Variants in PHLDB1 observed in about 807,000 individuals in gnomAD.
PHLDB1 encodes the protein pleckstrin homology like domain family B member 1.
A neutral mutation model predicts 139.3 loss-of-function variants in PHLDB1; 65 were observed. The ratio of observed to expected loss-of-function variants is 0.47; its 90% CI spans 0.38 to 0.57. The LOEUF (loss-of-function observed/expected upper bound fraction) is 0.57. PHLDB1 is among the 20% of genes least tolerant of loss of function. PHLDB1 has a pLI of 0.00. For synonymous variants in PHLDB1, 679 were observed against 734.5 expected (o/e 0.92, Z 1.22); for missense variants, 1,624 against 1,839.7 (o/e 0.88, Z 2.14).
chr11:118,635,263 G>T, intron 9 of PHLDB1, 130 bp from the exon 10 acceptor site: 1 of 1,065,608 alleles, frequency 9.4e-7, no homozygotes, highest in Non-Finnish European at 1.4e-6. Context: ...CGGGAGCTGG[G>T]GGGAGGCAGG....
chr11:118,608,917 G>T lies in PHLDB1; in HGVS notation c.-22+1218G>T, dbSNP rs911976776. ...CAGTCACACAGCCTACCTCACACAC[G>T]CACCCCAGTCACACACACAACCCAG... On this transcript the variant is annotated intron_variant, in intron 1 of 22. Transcript: ENST00000600882. The surrounding 1 kb of genome is among the most constrained non-coding windows in gnomAD (Gnocchi z 6.7). Among the ~76,000 whole-genome samples the T allele has an allele frequency of 6.8e-6, 1 of 146,312 alleles. No individual in the cohort carries two copies.
At chr11:118,644,664 G>A (rs1430053429) in intron 15 of PHLDB1, 1 of 1,289,570 alleles carries the variant, frequency 7.8e-7, no homozygotes, top group Non-Finnish European at 1.0e-6. Flanking sequence ...GCTTCCCGCC[G>A]AGCCCCTCCC....
chr11:118,641,542 G>T, intron 12 of PHLDB1: 2 of 958,470 alleles, frequency 2.1e-6, no homozygotes, highest in Middle Eastern at 5.2e-4. Flanking sequence ...TTCCCCTGTG[G>T]GTAGGGCCAT....
chr11:118,622,134 C>T (rs375454843), intron 4 of PHLDB1, among the ~76,000 whole-genome samples: 3 of 152,246 alleles, frequency 2.0e-5, no homozygotes, highest in African/African-American at 7.2e-5. Context: ...AGCTCCTCCA[C>T]CCACCTGCAC....
At chr11:118,649,976 G>T in intron 18 of PHLDB1, 101 bp from the exon 19 acceptor site, 1 of 836,126 alleles carries the variant, frequency 1.2e-6, no homozygotes, top group South Asian at 1.4e-5. Flanking sequence ...AGGGAGGTGT[G>T]ATGTCAGGCT....
chr11:118,613,691 C>A, intron 1 of PHLDB1, 125 bp from the exon 2 acceptor site: 1 of 638,664 alleles, frequency 1.6e-6, no homozygotes, highest in Non-Finnish European at 2.7e-6. Context: ...TTCCCTTCAG[C>A]ATGAGCATTT....
intron 9 of PHLDB1, chr11:118,634,817 C>T: frequency 3.6e-6 from 1 of 280,166 alleles, no homozygotes; most frequent in Non-Finnish European, 7.4e-6. Flanking sequence ...CCCGCCCTGG[C>T]CGCCCTCCCG....
chr11:118,614,044 G>T (rs1164337577), intron 2 of PHLDB1, 148 bp downstream of exon 2: 1 of 609,268 alleles, frequency 1.6e-6, no homozygotes, highest in Non-Finnish European at 2.9e-6. Context: ...TAACAGCTCA[G>T]TCTTTATCTG....
chr11:118,613,704 G>A, intron 1 of PHLDB1, 112 bp from the exon 2 acceptor site: 1 of 658,024 alleles, frequency 1.5e-6, no homozygotes, highest in Non-Finnish European at 2.6e-6. Context: ...GAGCATTTGG[G>A]GAATGATGGT....
At chr11:118,612,124 G>A (rs1940550194) in intron 1 of PHLDB1, among the ~76,000 whole-genome samples, 1 of 129,672 alleles carries the variant, frequency 7.7e-6, no homozygotes, top group Admixed American at 9.5e-5. Context: ...CCCCAGGCAA[G>A]CACTGATCCA....
intron 4 of PHLDB1, among the ~76,000 whole-genome samples, chr11:118,618,570 G>C (rs1365979123): frequency 6.6e-6 from 1 of 152,084 alleles, no homozygotes; most frequent in African/African-American, 2.4e-5. Context: ...TTATCGATCA[G>C]TGTGTTCAAG....
intron 6 of PHLDB1, among the ~76,000 whole-genome samples, chr11:118,630,361 G>A (rs1944599713): frequency 6.6e-6 from 1 of 152,194 alleles, no homozygotes; most frequent in Admixed American, 6.5e-5. Context: ...TGAAGTGGTA[G>A]GGCCATGGGA....
rs909801159 is a variant in PHLDB1, at chr11:118,632,699, C to T, written c.2379+403C>T. 9 of 209,680 alleles carry T rather than the reference C, an allele frequency of 4.3e-5. No homozygotes were observed. Among genetic ancestry groups the T allele is most frequent in the South Asian group, 3.6e-4 (3 of 8,246 alleles). The allele number at this position is 209,680 out of a possible 1,614,324, so 13.0% of individuals were successfully genotyped here. A position where few individuals can be genotyped will look rare whatever the true frequency, so the allele number is the denominator to read the frequency against. The stretch of plus-strand genomic sequence containing the variant: ...CCTCCAAGCATGCCACAAGTGCTTA[C>T]GTTGTGATCTTTGGGAGATGGCCCT... On this transcript the variant is annotated intron_variant, in intron 9 of 22. Transcript: ENST00000600882. This position sits in a 1 kb window ranked among gnomAD's most constrained non-coding sequence, Gnocchi z 5.9.
chr11:118,641,584 A>G (rs1946522743), intron 12 of PHLDB1: 3 of 1,247,184 alleles, frequency 2.4e-6, no homozygotes, highest in Non-Finnish European at 3.1e-6. Context: ...AACCTCTTAT[A>G]TTCCCTCCTG....
At chr11:118,643,549 G>C in intron 13 of PHLDB1, 1 of 985,426 alleles carries the variant, frequency 1.0e-6, no homozygotes. Flanking sequence ...GCATGGGTCT[G>C]TTTACAGGTC....
At position 118,632,973 on chromosome 11, in the gene PHLDB1, C is replaced by A; in HGVS notation, c.2379+677C>A. ...TCCTCCTGCCCTCAATTTTGAGAAT[C>A]TTAAAAATTCTTTGACCCTTTTTTT... is the stretch of plus-strand genomic sequence containing the variant. On this transcript the variant is annotated intron_variant, in intron 9 of 22. Transcript: ENST00000600882. The surrounding 1 kb of genome is among the most constrained non-coding windows in gnomAD (Gnocchi z 5.9). 37 of 297,184 alleles carry A rather than the reference C, an allele frequency of 1.2e-4. No individual in the cohort carries two copies. The highest frequency in any genetic ancestry group is 1.7e-3 in the Middle Eastern group (1 of 594). 18.4% of individuals were successfully genotyped at this position (297,184 alleles called of 1,614,324 possible).
In PHLDB1 at chr11:118,645,040, G is replaced by A. The variant is rs1555125721; in HGVS notation, c.3122-316G>A. 2.8e-6 allele frequency: 1 copy of A among 360,734 alleles called. No individual in the cohort carries two copies. The highest frequency in any genetic ancestry group is 4.5e-5 in the Admixed American group (1 of 22,212). The allele number at this position is 360,734 out of a possible 1,614,324, so 22.3% of individuals were successfully genotyped here. A position where few individuals can be genotyped will look rare whatever the true frequency, so the allele number is the denominator to read the frequency against. On this transcript the variant is annotated intron_variant, in intron 15 of 22. Coordinates refer to ENST00000600882, the MANE Select transcript of PHLDB1 (RefSeq NM_001144758.3). The surrounding 1 kb of genome is among the most constrained non-coding windows in gnomAD (Gnocchi z 5.1). Reference sequence around the variant, plus strand: ...TCCTGCCTAGACCTACTTAGGCCTTGGTTGTGAGCTGGAGCCAACTGGCTG... The same window carrying A: ...TCCTGCCTAGACCTACTTAGGCCTTAGTTGTGAGCTGGAGCCAACTGGCTG...
At chr11:118,614,290 C>T (rs909048060) in intron 2 of PHLDB1, among the ~76,000 whole-genome samples, 11 of 133,000 alleles carry the variant, frequency 8.3e-5, no homozygotes, top group African/African-American at 3.0e-4. Context: ...ACCCCCCACC[C>T]CTTTCTCCTT....
Position 118,645,707 on chromosome 11 carries a change from G to T in PHLDB1, c.3417-28G>T. 1.2e-6 allele frequency: 2 copies of T among 1,611,236 alleles called. No individual in the cohort carries two copies. The highest frequency in any genetic ancestry group is 1.7e-6 in the Non-Finnish European group (2 of 1,177,408). On this transcript the variant is annotated intron_variant, in intron 16 of 22. Coordinates refer to ENST00000600882, the MANE Select transcript of PHLDB1 (RefSeq NM_001144758.3). This position sits in a 1 kb window ranked among gnomAD's most constrained non-coding sequence, Gnocchi z 5.1. Reference sequence around the variant, plus strand: ...TCAGCCACCGCCTCAGCTCCTTGATGCACTTCCTCTTCCCCTTCTCTCCCC... The same window carrying T: ...TCAGCCACCGCCTCAGCTCCTTGATTCACTTCCTCTTCCCCTTCTCTCCCC...
Sources: gnomAD v4.1 joint callset for allele counts (sites outside exome capture counted in the v4.1 genomes callset) on GRCh38, gnomAD v4.1.1 for gene constraint, Gnocchi (gnomAD v3.1) non-coding constraint, MANE v1.5 for transcripts, NCBI Gene and HGNC (gene_info 2026-07-23, HGNC 2026-07-21) for gene names.